NLGN1: variants seen among roughly 807,000 people sequenced by gnomAD.
The protein encoded by NLGN1 is neuroligin 1, also known as neuroligin-1.
NLGN1 carries 12 observed loss-of-function variants against 65.5 expected under a neutral mutation model. That is an observed-to-expected ratio of 0.18 (90% CI 0.12 to 0.30). The LOEUF (loss-of-function observed/expected upper bound fraction) is 0.30. Among genes scored for constraint, NLGN1 ranks in the 10% least tolerant of loss-of-function variants. The pLI, the probability that NLGN1 is intolerant of heterozygous loss-of-function variation, is 1.00. For missense variants in NLGN1, 750 were observed against 1,007.1 expected, an observed-to-expected ratio of 0.74 and a Z score of 3.46; for synonymous variants, 350 against 359.5, an observed-to-expected ratio of 0.97 and a Z score of 0.30.
At chr3:173,719,985 A>G (rs556494464) in intron 3 of NLGN1, among the ~76,000 whole-genome samples, 47 of 152,196 alleles carry the variant, frequency 3.1e-4, no homozygotes, top group African/African-American at 9.9e-4. Flanking sequence ...ATGGTGGCAC[A>G]CGTCTATAGT....
intron 2 of NLGN1, among the ~76,000 whole-genome samples, chr3:173,529,416 C>T (rs1357721232): frequency 6.6e-6 from 1 of 152,192 alleles, no homozygotes; most frequent in Non-Finnish European, 1.5e-5. Context: ...TCTGGGCCAC[C>T]TGGCTTGCCC....
chr3:173,592,992 T>C (rs765493054), intron 2 of NLGN1, among the ~76,000 whole-genome samples: 26 of 152,286 alleles, frequency 1.7e-4, no homozygotes, highest in Admixed American at 5.2e-4. Flanking sequence ...GGGTTTCCTG[T>C]TACTTCTGGC....
At chr3:173,406,089 T>C (rs954085570) in intron 1 of NLGN1, among the ~76,000 whole-genome samples, 4 of 152,092 alleles carry the variant, frequency 2.6e-5, no homozygotes, top group African/African-American at 9.7e-5. Context: ...GGGAGACTTG[T>C]CCATACATAT....
intron 4 of NLGN1, among the ~76,000 whole-genome samples, chr3:174,168,064 C>T (rs1727861211): frequency 6.6e-6 from 1 of 151,902 alleles, no homozygotes; most frequent in Non-Finnish European, 1.5e-5. Flanking sequence ...TTCTCAATTC[C>T]AGAAACTGAG....
At chr3:174,274,823 T>C (rs914622496) in intron 4 of NLGN1, among the ~76,000 whole-genome samples, 2 of 151,776 alleles carry the variant, frequency 1.3e-5, no homozygotes, top group Non-Finnish European at 2.9e-5. Flanking sequence ...TACAAAATCT[T>C]TCTCTACAAG....
chr3:174,271,404 G>C (rs891600307), intron 4 of NLGN1, among the ~76,000 whole-genome samples: 1 of 151,768 alleles, frequency 6.6e-6, no homozygotes, highest in African/African-American at 2.4e-5. Context: ...CAGGGCTACT[G>C]CCTGACAATT....
intron 4 of NLGN1, among the ~76,000 whole-genome samples, chr3:174,179,685 T>G (rs960943478): frequency 1.9e-4 from 29 of 152,294 alleles, no homozygotes; most frequent in Admixed American, 1.4e-3. Context: ...GTATATATTT[T>G]AGATAAATGG....
chr3:173,680,638 T>C (rs1299746638), intron 3 of NLGN1, among the ~76,000 whole-genome samples: 1 of 152,188 alleles, frequency 6.6e-6, no homozygotes, highest in Non-Finnish European at 1.5e-5. Flanking sequence ...TGTTTGCTCA[T>C]TAATACCATT....
intron 3 of NLGN1, among the ~76,000 whole-genome samples, chr3:173,706,555 C>A (rs1768070165): frequency 6.6e-6 from 1 of 152,136 alleles, no homozygotes; most frequent in Non-Finnish European, 1.5e-5. Flanking sequence ...TTGTCCTTAA[C>A]CATCTTTTAT....
At chr3:173,762,917 G>C (rs1352416) in intron 3 of NLGN1, among the ~76,000 whole-genome samples, 122,044 of 151,130 alleles carry the variant, frequency 0.81, 49,937 homozygotes, top group African/African-American at 0.86. Flanking sequence ...ATTTCAATAA[G>C]TGTTGTGGAA....
chr3:174,157,516 A>G (rs941519048), intron 4 of NLGN1, among the ~76,000 whole-genome samples: 1 of 151,752 alleles, frequency 6.6e-6, no homozygotes, highest in Non-Finnish European at 1.5e-5. Context: ...TTTTCTACCA[A>G]CGATAGTTGA....
At chr3:174,091,654 A>C (rs758011653) in intron 4 of NLGN1, among the ~76,000 whole-genome samples, 3 of 152,210 alleles carry the variant, frequency 2.0e-5, no homozygotes, top group African/African-American at 7.2e-5. Flanking sequence ...AACCAAATAC[A>C]TATTTTTGTT....
At chr3:173,768,565 C>A (rs149180115) in intron 3 of NLGN1, among the ~76,000 whole-genome samples, 53 of 152,208 alleles carry the variant, frequency 3.5e-4, no homozygotes, top group African/African-American at 1.2e-3. Context: ...ATCACATATG[C>A]CAAATATTTC....
chr3:174,143,678 C>T (rs1577075986), intron 4 of NLGN1, among the ~76,000 whole-genome samples: 2 of 152,008 alleles, frequency 1.3e-5, no homozygotes, highest in African/African-American at 2.4e-5. Context: ...TTGGCAAAAC[C>T]ACAGAGAAAT....
At chr3:173,553,206 G>T (rs1047993589) in intron 2 of NLGN1, among the ~76,000 whole-genome samples, 15 of 152,012 alleles carry the variant, frequency 9.9e-5, no homozygotes, top group African/African-American at 3.4e-4. Flanking sequence ...AGTACCTTAA[G>T]AAATAAATCT....
intron 3 of NLGN1, among the ~76,000 whole-genome samples, chr3:173,650,336 A>G (rs1408407614): frequency 6.6e-6 from 1 of 152,196 alleles, no homozygotes; most frequent in Non-Finnish European, 1.5e-5. Flanking sequence ...ATAGATAAAT[A>G]TGAATGTAGA....
chr3:173,593,759 C>T lies in NLGN1; in HGVS notation c.-320-10520C>T, dbSNP rs1432733788. Among the ~76,000 whole-genome samples the T allele has an allele frequency of 2.0e-5, 3 of 152,132 alleles. No individual in the cohort carries two copies. In the East Asian group the frequency reaches 5.8e-4, roughly 29 times the overall value. Reference sequence around the variant, plus strand: ...GCTGCTGATAAAGACACACCCAAGACTGGGAAGAAAAAGAGGTTTAATTGG... The same window carrying T: ...GCTGCTGATAAAGACACACCCAAGATTGGGAAGAAAAAGAGGTTTAATTGG... On this transcript the variant is annotated intron_variant, in intron 2 of 6. Transcript: ENST00000457714.
chr3:173,789,732 T>C, intron 3 of NLGN1: 1 of 424,610 alleles, frequency 2.4e-6, no homozygotes, highest in Non-Finnish European at 4.7e-6. Context: ...ACTCACAGCT[T>C]CACAATCTGG....
At chr3:173,493,343 G>A (rs1354842003) in intron 2 of NLGN1, among the ~76,000 whole-genome samples, 2 of 151,616 alleles carry the variant, frequency 1.3e-5, no homozygotes, top group Non-Finnish European at 2.9e-5. Context: ...ATGCTCCTTG[G>A]TCCAAAGAGT....
Sources: gnomAD v4.1 joint callset for allele counts (sites outside exome capture counted in the v4.1 genomes callset) on GRCh38, gnomAD v4.1.1 for gene constraint, MANE v1.5 for transcripts, NCBI Gene and HGNC (gene_info 2026-07-23, HGNC 2026-07-21) for gene names.